Variants in ATG10 observed in about 807,000 individuals in gnomAD.
The protein encoded by ATG10 is autophagy related 10, also known as ubiquitin-like-conjugating enzyme ATG10.
A neutral mutation model predicts 32.1 loss-of-function variants in ATG10; 30 were observed. The observed-to-expected ratio is 0.94, with a 90% confidence interval of 0.70 to 1.27. The LOEUF is 1.27. Among genes scored for constraint, ATG10 ranks in the 50% most tolerant of loss-of-function variants. ATG10 has a pLI of 0.00. For synonymous variants in ATG10, 87 were observed against 91.5 expected, an observed-to-expected ratio of 0.95 and a Z score of 0.28; for missense variants, 233 against 262.3, an observed-to-expected ratio of 0.89 and a Z score of 0.77.
At chr5:82,058,204 G>A (rs1360179729) in intron 2 of ATG10, among the ~76,000 whole-genome samples, 1 of 152,154 alleles carries the variant, frequency 6.6e-6, no homozygotes, top group Non-Finnish European at 1.5e-5. Context: ...ATAAGCTTAA[G>A]TTTTGTTCTG....
chr5:82,019,884 C>T (rs948359684), intron 2 of ATG10, among the ~76,000 whole-genome samples: 1 of 152,174 alleles, frequency 6.6e-6, no homozygotes, highest in East Asian at 1.9e-4. Context: ...AGTAGCCAGG[C>T]TTGACCTATT....
At chr5:82,025,246 A>G (rs73768609) in intron 2 of ATG10, among the ~76,000 whole-genome samples, 10 of 152,234 alleles carry the variant, frequency 6.6e-5, no homozygotes, top group Non-Finnish European at 1.0e-4. Flanking sequence ...GTTATATAAC[A>G]TAGGGTCATA....
intron 2 of ATG10, among the ~76,000 whole-genome samples, chr5:82,006,820 A>G (rs1159496048): frequency 6.6e-6 from 1 of 152,116 alleles, no homozygotes; most frequent in East Asian, 1.9e-4. Flanking sequence ...TACTCTAGTT[A>G]TCTCAGGTAA....
At chr5:82,011,785 C>A (rs1762134269) in intron 2 of ATG10, among the ~76,000 whole-genome samples, 1 of 152,200 alleles carries the variant, frequency 6.6e-6, no homozygotes, top group African/African-American at 2.4e-5. Context: ...TGCGTCTACA[C>A]AAAGCCTCCT....
At chr5:82,156,344 G>C in intron 3 of ATG10, among the ~76,000 whole-genome samples, 1 of 152,150 alleles carries the variant, frequency 6.6e-6, no homozygotes, top group East Asian at 1.9e-4. Context: ...CAGGAACACT[G>C]CTTATAAGGT....
At chr5:82,210,609 G>T (rs777057272) in intron 5 of ATG10, among the ~76,000 whole-genome samples, 1 of 152,134 alleles carries the variant, frequency 6.6e-6, no homozygotes, top group Non-Finnish European at 1.5e-5. Flanking sequence ...ACACTCTGAT[G>T]CCTTCAAACA....
At chr5:82,227,475 A>G (rs1746179586) in intron 5 of ATG10, among the ~76,000 whole-genome samples, 1 of 151,990 alleles carries the variant, frequency 6.6e-6, no homozygotes, top group African/African-American at 2.4e-5. Flanking sequence ...CCCAGATTCA[A>G]GCGATTCTCC....
chr5:82,010,780 C>T (rs1297933582), intron 2 of ATG10, among the ~76,000 whole-genome samples: 2 of 152,062 alleles, frequency 1.3e-5, no homozygotes, highest in Admixed American at 6.6e-5. Flanking sequence ...ATATTTATGG[C>T]TTCATTTTGG....
chr5:82,240,935 G>T (rs1017318167), intron 5 of ATG10, among the ~76,000 whole-genome samples: 1 of 152,078 alleles, frequency 6.6e-6, no homozygotes, highest in Non-Finnish European at 1.5e-5. Context: ...AAAAATTGGA[G>T]TATTTCAGCA....
chr5:82,037,756 T>G (rs969785663), intron 2 of ATG10, among the ~76,000 whole-genome samples: 13 of 152,208 alleles, frequency 8.5e-5, no homozygotes, highest in Non-Finnish European at 1.3e-4. Flanking sequence ...TTCAAAGTTT[T>G]AACATCTATC....
chr5:82,244,633 C>T (rs926183223), intron 5 of ATG10, among the ~76,000 whole-genome samples: 2 of 152,044 alleles, frequency 1.3e-5, no homozygotes, highest in African/African-American at 4.8e-5. Flanking sequence ...TGGATGAAAG[C>T]TTAATATGTG....
Position 81,982,785 on chromosome 5 carries a change from C to G in ATG10, c.-12-4774C>G, listed in dbSNP as rs530381743. Among the ~76,000 whole-genome samples, 4 of 152,290 alleles carry G rather than the reference C, an allele frequency of 2.6e-5. No individual in the cohort carries two copies. In the South Asian group the frequency reaches 6.2e-4, roughly 24 times the overall value. On this transcript the variant is annotated intron_variant, in intron 1 of 7. Transcript: ENST00000282185. Reference sequence around the variant, plus strand: ...TGACTCTTAATGAGCATGCTGCCCTCAAGCATCTGTTTAACAAAGCACATC... The same window carrying G: ...TGACTCTTAATGAGCATGCTGCCCTGAAGCATCTGTTTAACAAAGCACATC...
chr5:82,243,931 T>A (rs1160737890), intron 5 of ATG10, among the ~76,000 whole-genome samples: 1 of 151,736 alleles, frequency 6.6e-6, no homozygotes, highest in Non-Finnish European at 1.5e-5. Flanking sequence ...TGGAAGCAAA[T>A]AATAAAGGTA....
intron 3 of ATG10, among the ~76,000 whole-genome samples, chr5:82,063,692 A>G (rs919654066): frequency 6.6e-6 from 1 of 152,020 alleles, no homozygotes; most frequent in Non-Finnish European, 1.5e-5. Context: ...GGATTTCACC[A>G]TGTTGGCCAG....
At chr5:82,158,353 C>CG (rs1207703510) in intron 3 of ATG10, among the ~76,000 whole-genome samples, 8 of 150,792 alleles carry the variant, frequency 5.3e-5, no homozygotes, top group African/African-American at 1.2e-4. Context: ...CAGCTGCCCC[C>CG]CCGCCCCCCA....
intron 3 of ATG10, among the ~76,000 whole-genome samples, chr5:82,090,224 A>G (rs1450626093): frequency 2.6e-5 from 4 of 152,194 alleles, no homozygotes; most frequent in African/African-American, 4.8e-5. Context: ...AACGAAACAT[A>G]CAATTACCAT....
chr5:82,080,574 C>G (rs1189826401), intron 3 of ATG10, among the ~76,000 whole-genome samples: 1 of 152,080 alleles, frequency 6.6e-6, no homozygotes, highest in Non-Finnish European at 1.5e-5. Context: ...TTCAGCTTTC[C>G]ATATATGGCT....
chr5:82,207,906 C>G (rs1745358938), intron 5 of ATG10, among the ~76,000 whole-genome samples: 1 of 152,064 alleles, frequency 6.6e-6, no homozygotes, highest in South Asian at 2.1e-4. Flanking sequence ...TGACTGTTAA[C>G]TGTGTTATTG....
In ATG10 at chr5:82,181,178, T is replaced by C. The variant is rs1417727113; in HGVS notation, c.453+2591T>C. ...TGGGGCTCACTTAATAGGAGGGATA[T>C]TTGATATAACCACACTACAACACAA... On this transcript the variant is annotated intron_variant, in intron 5 of 7. Coordinates refer to ENST00000282185, the MANE Select transcript of ATG10 (RefSeq NM_031482.5). Among the ~76,000 whole-genome samples, 3 of 152,144 alleles carry C rather than the reference T, an allele frequency of 2.0e-5. No homozygotes were observed. The East Asian group carries it at 5.8e-4, about 29-fold the overall frequency.
Sources: allele counts gnomAD v4.1 joint callset (sites outside exome capture counted in the v4.1 genomes callset), GRCh38; gene constraint gnomAD v4.1.1; transcripts MANE v1.5; gene names NCBI Gene and HGNC (gene_info 2026-07-23, HGNC 2026-07-21).